The following ATP8B1 variants were observed in gnomAD, a reference collection of about 807,000 sequenced individuals.
The protein encoded by ATP8B1 is phospholipid-transporting ATPase IC.
In ATP8B1, 80 loss-of-function variants were observed where a neutral mutation model predicts 149.9. The ratio of observed to expected loss-of-function variants is 0.53; its 90% CI spans 0.45 to 0.64. The LOEUF is 0.64. Ranked by LOEUF, ATP8B1 falls within the 30% of genes least tolerant of loss-of-function variation. The pLI, the probability that ATP8B1 is intolerant of heterozygous loss-of-function variation, is 0.00. For synonymous variants in ATP8B1, 536 were observed against 562.8 expected, an observed-to-expected ratio of 0.95 and a Z score of 0.67; for missense variants, 1,247 against 1,552.6, an observed-to-expected ratio of 0.80 and a Z score of 3.31.
At chr18:57,761,554 G>A (rs1484251094) in intron 1 of ATP8B1, among the ~76,000 whole-genome samples, 1 of 152,112 alleles carries the variant, frequency 6.6e-6, no homozygotes, top group Non-Finnish European at 1.5e-5. Flanking sequence ...AACCTGGAAT[G>A]GGGAACAGGT....
intron 1 of ATP8B1, among the ~76,000 whole-genome samples, chr18:57,782,548 A>G (rs2080366047): frequency 6.6e-6 from 1 of 152,224 alleles, no homozygotes; most frequent in African/African-American, 2.4e-5. Context: ...GACTCTGGCA[A>G]GGAGAACTCA....
chr18:57,694,729 C>A, intron 10 of ATP8B1, 59 bp from the exon 11 acceptor site: 2 of 1,156,574 alleles, frequency 1.7e-6, no homozygotes, highest in South Asian at 1.3e-5. Context: ...ACTAGCTCAC[C>A]AATAAAATTA....
intron 6 of ATP8B1, among the ~76,000 whole-genome samples, chr18:57,699,670 G>C (rs926023737): frequency 1.3e-5 from 2 of 152,062 alleles, no homozygotes; most frequent in Admixed American, 6.5e-5. Context: ...GCAGTGAGCG[G>C]AGATCGCGCC....
intron 1 of ATP8B1, among the ~76,000 whole-genome samples, chr18:57,789,779 G>T (rs1205012469): frequency 6.6e-6 from 1 of 152,070 alleles, no homozygotes; most frequent in African/African-American, 2.4e-5. Flanking sequence ...TTGCTCACAT[G>T]TACATACTTT....
In ATP8B1 at chr18:57,648,278, G is replaced by A. The variant is rs1196515006; in HGVS notation, c.*210C>T. ...TGGGATTACAGACCTGAGCCACCAC[G>A]CCCGGCCGAATAATAGGACTTTTAA... On this transcript the variant is annotated 3_prime_UTR_variant, in exon 28 of 28. Coordinates refer to ENST00000648908, the MANE Select transcript of ATP8B1 (RefSeq NM_001374385.1). The A allele has an allele frequency of 1.0e-5, 7 of 671,764 alleles. No homozygotes were observed. The highest frequency in any genetic ancestry group is 1.8e-5 in the Non-Finnish European group (7 of 386,322). The allele number at this position is 671,764 out of a possible 1,614,324, so 41.6% of individuals were successfully genotyped here.
At chr18:57,717,798 C>T (rs530425225) in intron 2 of ATP8B1, among the ~76,000 whole-genome samples, 59 of 150,596 alleles carry the variant, frequency 3.9e-4, no homozygotes, top group African/African-American at 1.1e-3. Context: ...TGCAGTGGTG[C>T]GATCTTGGCT....
intron 1 of ATP8B1, among the ~76,000 whole-genome samples, chr18:57,746,002 C>CTAT (rs1367009297): frequency 6.6e-6 from 1 of 152,122 alleles, no homozygotes; most frequent in African/African-American, 2.4e-5. Context: ...AAAATAACAG[C>CTAT]TATTTTTAAT....
chr18:57,734,216 G>A (rs1306370554), intron 1 of ATP8B1: 2 of 152,114 alleles, frequency 1.3e-5, no homozygotes, highest in Non-Finnish European at 2.9e-5. Flanking sequence ...TTGAGACAGA[G>A]TATCGCTCTG....
rs767548754 is a variant in ATP8B1, at chr18:57,652,111, G to T, written c.3323C>A (p.Ala1108Glu). Residue 1108 changes from alanine (A) to glutamate (E), a missense_variant, in exon 26 of 28, where the codon GCA (alanine) becomes GAA (glutamate). By Grantham distance (107) the Ala-to-Glu change is moderately radical. Coordinates refer to ENST00000648908, the MANE Select transcript of ATP8B1 (RefSeq NM_001374385.1). ...GTCAAACATGATGCCAAAATAAAGT[G>T]CAATGCTTCCAAAAATTGAAAAAGC... Reference protein sequence around the residue: ...VNAFSIFGSIALYFGIMFDFH... With the variant: ...VNAFSIFGSIELYFGIMFDFH... 6.2e-7 allele frequency: 1 copy of T among 1,613,666 alleles called. No individual in the cohort carries two copies. The highest frequency in any genetic ancestry group is 8.5e-7 in the Non-Finnish European group (1 of 1,179,704).
In ATP8B1 at chr18:57,794,098, G is replaced by A. The variant is rs538949612; in HGVS notation, c.-26+8900C>T. Among the ~76,000 whole-genome samples the A allele has an allele frequency of 9.9e-5, 15 of 152,266 alleles. No individual in the cohort carries two copies. The East Asian group carries it at 1.7e-3, about 18-fold the overall frequency. ...GTTGGCATTAAATAGGAAAGTGGGT[G>A]GACACGTAGGGATAGTAGTATTTTT... On this transcript the variant is annotated intron_variant, in intron 1 of 27. Coordinates refer to ENST00000648908, the MANE Select transcript of ATP8B1 (RefSeq NM_001374385.1).
chr18:57,656,264 C>T (rs1909987556), intron 22 of ATP8B1, among the ~76,000 whole-genome samples: 1 of 152,020 alleles, frequency 6.6e-6, no homozygotes, highest in Non-Finnish European at 1.5e-5. Context: ...CCCTGACTGA[C>T]AGAAAACCCA....
intron 2 of ATP8B1, among the ~76,000 whole-genome samples, chr18:57,723,947 A>G (rs973649137): frequency 6.8e-6 from 1 of 146,836 alleles, no homozygotes; most frequent in Non-Finnish European, 1.5e-5. Context: ...ATAATGCCGC[A>G]TACCTAGAAC....
intron 1 of ATP8B1, among the ~76,000 whole-genome samples, chr18:57,742,955 C>T (rs1483036591): frequency 6.6e-6 from 1 of 152,154 alleles, no homozygotes; most frequent in Non-Finnish European, 1.5e-5. Flanking sequence ...TTTCATTCCC[C>T]TGGCTAAGGT....
At chr18:57,667,062 C>T (rs762649832) in intron 20 of ATP8B1, 30 bp downstream of exon 20, 35 of 1,562,524 alleles carry the variant, frequency 2.2e-5, no homozygotes, top group Middle Eastern at 1.7e-4. Context: ...TGAGCTATTA[C>T]GTAATTTCAT....
intron 22 of ATP8B1, among the ~76,000 whole-genome samples, chr18:57,658,086 G>A (rs1449536467): frequency 3.3e-5 from 5 of 150,066 alleles, no homozygotes; most frequent in Non-Finnish European, 5.9e-5. Context: ...TTTTTCTGTC[G>A]CCCAGGCTGG....
intron 1 of ATP8B1, among the ~76,000 whole-genome samples, chr18:57,752,606 C>T (rs1325270724): frequency 1.3e-5 from 2 of 152,060 alleles, no homozygotes; most frequent in South Asian, 2.1e-4. Context: ...CTTATATTTC[C>T]CCCTTCGATA....
Position 57,652,081 on chromosome 18 carries a change from T to G in ATP8B1, c.3353A>C (p.His1118Pro). 1 of 1,614,050 alleles carries G rather than the reference T, an allele frequency of 6.2e-7. No individual in the cohort carries two copies. Among genetic ancestry groups the G allele is most frequent in the Non-Finnish European group, 8.5e-7 (1 of 1,179,978 alleles). The change falls in exon 26 of 28, where the codon CAT becomes CCT. Residue 1118 changes from histidine (H) to proline (P), a missense_variant. Around this residue, in one of 3 missense-constraint regions of ATP8B1, gnomAD observed 230 missense variants for 356.6 expected, o/e 0.65. Transcript: ENST00000648908. ...AAAGAGAACATGTATTCCAGCACTA[T>G]GAAAGTCAAACATGATGCCAAAATA... ...ALYFGIMFDF[H>P]SAGIHVLFPS...
chr18:57,736,453 G>GTTTTTTTTTTTTTTT lies in ATP8B1; in HGVS notation c.-25-4636_-25-4622dup, dbSNP rs71171079. Among the ~76,000 whole-genome samples the GTTTTTTTTTTTTTTT allele has an allele frequency of 4.3e-5, 3 of 70,142 alleles. 1 individual carries two copies. The highest frequency in any genetic ancestry group is 8.0e-5 in the Non-Finnish European group (3 of 37,394). 46.0% of individuals were successfully genotyped at this position (70,142 alleles called of 152,430 possible). A position where few individuals can be genotyped will look rare whatever the true frequency, so the allele number is the denominator to read the frequency against. On this transcript the variant is annotated intron_variant, in intron 1 of 27. Coordinates refer to ENST00000648908, the MANE Select transcript of ATP8B1 (RefSeq NM_001374385.1). ...TTTCTTCTAGTATAAAGTTTTACTA[G>GTTTTTTTTTTTTTTT]TTTTTTTTTTTTTTTTTTTTTTTTG...
At chr18:57,689,601 T>G (rs1469301264) in intron 12 of ATP8B1, among the ~76,000 whole-genome samples, 1 of 152,152 alleles carries the variant, frequency 6.6e-6, no homozygotes, top group African/African-American at 2.4e-5. Flanking sequence ...CCATTCTAGG[T>G]GCAGGGGACA....
Sources: gnomAD v4.1 joint callset for allele counts (sites outside exome capture counted in the v4.1 genomes callset) on GRCh38, gnomAD v4.1.1 for gene constraint, gnomAD v4.1.1 regional missense constraint, MANE v1.5 for transcripts, NCBI Gene and HGNC (gene_info 2026-07-23, HGNC 2026-07-21) for gene names.